The following SLC44A5 variants were observed in gnomAD, a reference collection of about 807,000 sequenced individuals.
SLC44A5 encodes the protein solute carrier family 44 member 5.
A neutral mutation model predicts 101.8 loss-of-function variants in SLC44A5; 57 were observed. That is an observed-to-expected ratio of 0.56 (90% CI 0.45 to 0.70). The LOEUF (loss-of-function observed/expected upper bound fraction) is 0.70. SLC44A5 is among the 30% of genes least tolerant of loss of function. SLC44A5 has a pLI of 0.00. For synonymous variants in SLC44A5, 281 were observed against 290.9 expected, an observed-to-expected ratio of 0.97 and a Z score of 0.35; for missense variants, 737 against 853.1, an observed-to-expected ratio of 0.86 and a Z score of 1.70.
At chr1:75,341,756 T>G (rs1179314527) in intron 3 of SLC44A5, among the ~76,000 whole-genome samples, 2 of 152,148 alleles carry the variant, frequency 1.3e-5, no homozygotes, top group African/African-American at 2.4e-5. Context: ...CTTGAATCTT[T>G]CACTCTGATG....
At chr1:75,387,132 T>C (rs1661417107) in intron 3 of SLC44A5, among the ~76,000 whole-genome samples, 2 of 152,172 alleles carry the variant, frequency 1.3e-5, no homozygotes, top group Admixed American at 1.3e-4. Context: ...GGCATTACCA[T>C]TCAGGACATA....
chr1:75,558,465 T>C (rs1381933149), intron 1 of SLC44A5, among the ~76,000 whole-genome samples: 2 of 152,092 alleles, frequency 1.3e-5, no homozygotes, highest in East Asian at 1.9e-4. Context: ...AGTTCACTGC[T>C]TTTTGTCATC....
At chr1:75,424,910 C>A (rs367778754) in intron 2 of SLC44A5, among the ~76,000 whole-genome samples, 1 of 152,048 alleles carries the variant, frequency 6.6e-6, no homozygotes, top group Non-Finnish European at 1.5e-5. Context: ...CATATACAAA[C>A]AATTCATTTG....
intron 2 of SLC44A5, among the ~76,000 whole-genome samples, chr1:75,508,971 T>A (rs959098554): frequency 6.6e-6 from 1 of 152,190 alleles, no homozygotes; most frequent in Non-Finnish European, 1.5e-5. Flanking sequence ...TTTTCTAGAA[T>A]TAAAAGGAAA....
chr1:75,209,515 A>G (rs911570730), intron 23 of SLC44A5, among the ~76,000 whole-genome samples: 2 of 152,172 alleles, frequency 1.3e-5, no homozygotes, highest in Admixed American at 1.3e-4. Context: ...TTGTAGATAG[A>G]TGGCTTTCCT....
chr1:75,647,354 G>A, the SLC44A5 span, among the ~76,000 whole-genome samples: 1 of 152,228 alleles, frequency 6.6e-6, no homozygotes, highest in Non-Finnish European at 1.5e-5. Context: ...CCAGGCAGAA[G>A]TTTGCTGCAG....
the SLC44A5 span, among the ~76,000 whole-genome samples, chr1:75,712,698 A>AG: frequency 7.8e-5 from 7 of 89,930 alleles, no homozygotes; most frequent in Admixed American, 7.9e-4. Flanking sequence ...AGCATTTGAG[A>AG]AAAAAAAAAA....
intron 2 of SLC44A5, among the ~76,000 whole-genome samples, chr1:75,435,969 G>A (rs914159409): frequency 1.3e-5 from 2 of 152,064 alleles, no homozygotes; most frequent in South Asian, 2.1e-4. Context: ...TACATTAGAA[G>A]TTATAATCGC....
At chr1:75,222,200 C>G (rs971468372) in intron 14 of SLC44A5, among the ~76,000 whole-genome samples, 161 bp downstream of exon 14, 1 of 152,082 alleles carries the variant, frequency 6.6e-6, no homozygotes, top group Non-Finnish European at 1.5e-5. Flanking sequence ...AGGTGACCAG[C>G]CTGCCTCGGC....
At chr1:75,283,766 CT>C (rs66555329) in intron 5 of SLC44A5, among the ~76,000 whole-genome samples, 51,857 of 150,126 alleles carry the variant, frequency 0.35, 10,550 homozygotes, top group East Asian at 0.87. Context: ...CCTTTCCCTA[CT>C]TTTTTTTTTG....
At chr1:75,376,856 G>C (rs1204164609) in intron 3 of SLC44A5, among the ~76,000 whole-genome samples, 5 of 152,192 alleles carry the variant, frequency 3.3e-5, no homozygotes, top group African/African-American at 7.2e-5. Context: ...AGAGCAGAAG[G>C]CTTCAGACGA....
chr1:75,468,231 C>G (rs1666925683), intron 2 of SLC44A5, among the ~76,000 whole-genome samples: 1 of 152,064 alleles, frequency 6.6e-6, no homozygotes, highest in Non-Finnish European at 1.5e-5. Context: ...GAATGTAAAT[C>G]AGTGCAACTA....
At chr1:75,616,049 C>T (rs925620743), upstream of SLC44A5, among the ~76,000 whole-genome samples, 2 of 151,880 alleles carry the variant, frequency 1.3e-5, no homozygotes, top group Admixed American at 6.6e-5. Flanking sequence ...CAGCTCGGCT[C>T]GGCTCGGCTG....
intron 1 of SLC44A5, among the ~76,000 whole-genome samples, chr1:75,610,046 CACATA>C (rs1246357578): frequency 6.6e-6 from 1 of 151,722 alleles, no homozygotes; most frequent in Non-Finnish European, 1.5e-5. Flanking sequence ...ATAGATCACT[CACATA>C]ACTAGCAAGT....
At chr1:75,507,015 C>T (rs530145741) in intron 2 of SLC44A5, among the ~76,000 whole-genome samples, 2 of 138,316 alleles carry the variant, frequency 1.4e-5, no homozygotes, top group East Asian at 4.6e-4. Context: ...GCTAAGTGAT[C>T]TTCCCACCTC....
chr1:75,296,369 T>C lies in SLC44A5; in HGVS notation c.175+4243A>G, dbSNP rs1334781293. ...ACCCTCTAGCCAGTTTTTTTTTCTT[T>C]TTTTTTTTTTTTAATATTCCCTCCA... On this transcript the variant is annotated intron_variant, in intron 5 of 23. Coordinates refer to ENST00000370859, the MANE Select transcript of SLC44A5 (RefSeq NM_001130058.2). 2.5e-3 allele frequency among the ~76,000 whole-genome samples: 49 copies of C among 19,694 alleles called. No individual in the cohort carries two copies. In the East Asian group the frequency reaches 0.1, roughly 41 times the overall value. 12.9% of individuals were successfully genotyped at this position (19,694 alleles called of 152,430 possible). A position where few individuals can be genotyped will look rare whatever the true frequency, so the allele number is the denominator to read the frequency against.
At chr1:75,231,243 C>A (rs996502795) in intron 12 of SLC44A5, among the ~76,000 whole-genome samples, 1 of 152,182 alleles carries the variant, frequency 6.6e-6, no homozygotes, top group Admixed American at 6.5e-5. Context: ...CCGATCCCAG[C>A]ACTGCTATGG....
chr1:75,355,834 T>A (rs1425070807), intron 3 of SLC44A5, among the ~76,000 whole-genome samples: 3 of 152,228 alleles, frequency 2.0e-5, no homozygotes, highest in Admixed American at 2.0e-4. Context: ...ACTATGTTAC[T>A]TGTTTATGTA....
At chr1:75,266,558 C>T (rs1479060758) in intron 6 of SLC44A5, among the ~76,000 whole-genome samples, 2 of 152,138 alleles carry the variant, frequency 1.3e-5, no homozygotes, top group Non-Finnish European at 2.9e-5. Context: ...GTATTTTAAC[C>T]TTTCTGAATT....
Sources: allele counts gnomAD v4.1 joint callset (sites outside exome capture counted in the v4.1 genomes callset), GRCh38; gene constraint gnomAD v4.1.1; transcripts MANE v1.5; gene names NCBI Gene and HGNC (gene_info 2026-07-23, HGNC 2026-07-21).